The following MTCL1 variants were observed in gnomAD, a reference collection of about 807,000 sequenced individuals.
The protein encoded by MTCL1 is microtubule cross-linking factor 1.
A neutral mutation model predicts 141.4 loss-of-function variants in MTCL1; 79 were observed. The ratio of observed to expected loss-of-function variants is 0.56; its 90% CI spans 0.47 to 0.67. The LOEUF is 0.67. Ranked by LOEUF, MTCL1 falls within the 30% of genes least tolerant of loss-of-function variation. MTCL1 has a pLI of 0.00. For missense variants in MTCL1, 2,177 were observed against 2,113.9 expected, an observed-to-expected ratio of 1.03 and a Z score of -0.59; for synonymous variants, 914 against 875.8, an observed-to-expected ratio of 1.04 and a Z score of -0.77.
intron 4 of MTCL1, among the ~76,000 whole-genome samples, chr18:8,735,750 C>T (rs1291368202): frequency 1.3e-5 from 2 of 152,118 alleles, no homozygotes; most frequent in African/African-American, 2.4e-5. Context: ...TTTCCCGATG[C>T]TCAAAGCAAC....
At chr18:8,716,941 A>AT (rs2096132170), upstream of MTCL1, among the ~76,000 whole-genome samples, 1 of 152,152 alleles carries the variant, frequency 6.6e-6, no homozygotes, top group South Asian at 2.1e-4. Flanking sequence ...TGAATATCTC[A>AT]TACCTGCAGC....
At chr18:8,764,430 G>A (rs1198094130) in intron 4 of MTCL1, among the ~76,000 whole-genome samples, 3 of 151,770 alleles carry the variant, frequency 2.0e-5, no homozygotes, top group African/African-American at 7.3e-5. Context: ...TGATTCTCCT[G>A]CCTCAGCCTC....
Position 8,801,431 on chromosome 18 carries a change from A to G in MTCL1, c.2436+3140A>G, listed in dbSNP as rs576194594. Among the ~76,000 whole-genome samples, 7 of 151,912 alleles carry G rather than the reference A, an allele frequency of 4.6e-5. No individual in the cohort carries two copies. The South Asian group carries it at 1.5e-3, about 32-fold the overall frequency. On this transcript the variant is annotated intron_variant, in intron 10 of 16. Coordinates refer to ENST00000359865, the Ensembl canonical transcript of MTCL1. ...ATCCTGCAACTGGGAGGCCTCCCCT[A>G]TAAGGCGTGCTACTCTTTCTGTAAG... is the stretch of plus-strand genomic sequence containing the variant.
intron 4 of MTCL1, among the ~76,000 whole-genome samples, chr18:8,769,302 C>G (rs1388304292): frequency 6.6e-6 from 1 of 152,104 alleles, no homozygotes; most frequent in African/African-American, 2.4e-5. Flanking sequence ...GGGATTCTTG[C>G]AGTTTGGGGG....
intron 7 of MTCL1, chr18:8,786,496 T>G: frequency 2.6e-6 from 1 of 385,716 alleles, no homozygotes; most frequent in Non-Finnish European, 5.2e-6. Context: ...CAGCTCTTTG[T>G]TGCCTGTGTC....
intron 4 of MTCL1, among the ~76,000 whole-genome samples, chr18:8,726,307 G>A (rs1327046235): frequency 2.3e-5 from 1 of 42,844 alleles, no homozygotes; most frequent in Non-Finnish European, 5.0e-5. Context: ...TTTTTTTTTT[G>A]TCTTAAACAA....
Position 8,728,717 on chromosome 18 carries a change from A to ATT in MTCL1, c.357+8222_357+8223dup, listed in dbSNP as rs1598410920. 3.2e-4 allele frequency among the ~76,000 whole-genome samples: 22 copies of ATT among 68,030 alleles called. 1 individual carries two copies. Among genetic ancestry groups the ATT allele is most frequent in the East Asian group, 1.2e-3 (3 of 2,500 alleles). The allele number at this position is 68,030 out of a possible 152,430, so 44.6% of individuals were successfully genotyped here. On this transcript the variant is annotated intron_variant, in intron 4 of 16. Coordinates refer to ENST00000359865, the Ensembl canonical transcript of MTCL1. ...CATGTGGGGCCTTCTTATGTTGTCC[A>ATT]TTCTTTTTTTTTTTTTTTTTTTTTT...
rs372902431 is a variant in MTCL1, at chr18:8,732,133, G to C, written c.357+11637G>C. On this transcript the variant is annotated intron_variant, in intron 4 of 16. Transcript: ENST00000359865. ...TTCATTTTTTTTGAGACAGGGTCTC[G>C]CTCTGTTGCCCAGGGATCATGGCTC... is the stretch of plus-strand genomic sequence containing the variant. Among the ~76,000 whole-genome samples, 12 of 151,892 alleles carry C rather than the reference G, an allele frequency of 7.9e-5. No individual in the cohort carries two copies. In the East Asian group the frequency reaches 1.5e-3, roughly 19 times the overall value.
At chr18:8,716,476 T>C (rs2096128934), upstream of MTCL1, among the ~76,000 whole-genome samples, 1 of 152,144 alleles carries the variant, frequency 6.6e-6, no homozygotes, top group Non-Finnish European at 1.5e-5. Flanking sequence ...CCAACCCTTA[T>C]TTTTCCATAA....
At chr18:8,750,668 C>T (rs539782780) in intron 4 of MTCL1, among the ~76,000 whole-genome samples, 3 of 152,294 alleles carry the variant, frequency 2.0e-5, no homozygotes, top group African/African-American at 7.2e-5. Context: ...AGGACACTGC[C>T]CTGCAACGGT....
chr18:8,773,782 T>C (rs996936011), intron 4 of MTCL1, among the ~76,000 whole-genome samples: 3 of 152,226 alleles, frequency 2.0e-5, no homozygotes, highest in Non-Finnish European at 4.4e-5. Context: ...AAATAGTTCA[T>C]CCTTTCCTCA....
chr18:8,777,743 G>C, intron 4 of MTCL1, 90 bp from the exon 4 acceptor site: 1 of 1,116,830 alleles, frequency 9.0e-7, no homozygotes, highest in East Asian at 2.4e-5. Context: ...CGTTCAGTGT[G>C]TGTGTCCCCA....
intron 1 of MTCL1, among the ~76,000 whole-genome samples, chr18:8,710,888 C>CTTTTTTTTTTTTTTTTTTTTT (rs71356255): frequency 3.7e-5 from 3 of 80,932 alleles, no homozygotes; most frequent in Non-Finnish European, 6.6e-5. Flanking sequence ...TTTTTTTTTA[C>CTTTTTTTTTTTTTTTTTTTTT]TTTTTTTTTT....
chr18:8,745,354 T>C (rs2096330547), intron 4 of MTCL1, among the ~76,000 whole-genome samples: 1 of 152,172 alleles, frequency 6.6e-6, no homozygotes. Flanking sequence ...TTGTTTAGTT[T>C]TCCTTATTTT....
chr18:8,829,847 C>G, intron 16 of MTCL1: 1 of 985,210 alleles, frequency 1.0e-6, no homozygotes, highest in Non-Finnish European at 1.2e-6. Context: ...CTTGTACATG[C>G]CGGTGTGTTA....
chr18:8,816,667 T>A (rs190676892), intron 12 of MTCL1, among the ~76,000 whole-genome samples: 1 of 152,178 alleles, frequency 6.6e-6, no homozygotes, highest in East Asian at 1.9e-4. Context: ...CCAGTAACTT[T>A]CTTAAATCAG....
intron 4 of MTCL1, among the ~76,000 whole-genome samples, chr18:8,751,936 A>G (rs1481322124): frequency 6.6e-6 from 1 of 152,186 alleles, no homozygotes; most frequent in Non-Finnish European, 1.5e-5. Context: ...GCTGCTGCAG[A>G]CTGCACTTTC....
At chr18:8,789,013 C>T (rs2075623744) in intron 7 of MTCL1, among the ~76,000 whole-genome samples, 1 of 152,102 alleles carries the variant, frequency 6.6e-6, no homozygotes, top group Admixed American at 6.6e-5. Flanking sequence ...TTGGAATGTG[C>T]GAGGCACCTT....
At chr18:8,824,890 G>A (rs143281645) in exon 15 of MTCL1, 7 of 1,613,834 alleles carry the variant, frequency 4.3e-6, no homozygotes, top group African/African-American at 1.3e-5. Flanking sequence ...CACAATGGTG[G>A]GGGGCCGGAC....
Sources: allele counts gnomAD v4.1 joint callset (sites outside exome capture counted in the v4.1 genomes callset), GRCh38; gene constraint gnomAD v4.1.1; transcripts MANE v1.5; gene names NCBI Gene and HGNC (gene_info 2026-07-23, HGNC 2026-07-21).